Variants in EPM2A observed in about 807,000 individuals in gnomAD.
EPM2A encodes laforin.
Under a neutral mutation model 26.5 loss-of-function variants are expected in EPM2A, and 21 were observed. That is an observed-to-expected ratio of 0.79 (90% CI 0.56 to 1.14). The LOEUF is 1.14. EPM2A is among the 50% of genes most tolerant of loss of function. EPM2A has a pLI of 0.00. For missense variants in EPM2A, 458 were observed against 440.8 expected (o/e 1.04, Z -0.35); for synonymous variants, 217 against 177.6 (o/e 1.22, Z -1.76).
chr6:145,466,603 G>A (rs890946028), intron 4 of EPM2A, among the ~76,000 whole-genome samples: 14 of 152,098 alleles, frequency 9.2e-5, no homozygotes, highest in South Asian at 2.1e-4. Context: ...CACGGATCTA[G>A]AACTAGAAAT....
intron 3 of EPM2A, among the ~76,000 whole-genome samples, chr6:145,633,029 C>T (rs1199527015): frequency 5.3e-5 from 8 of 152,118 alleles, no homozygotes; most frequent in East Asian, 3.9e-4. Flanking sequence ...ACCCACTGAC[C>T]GCAAAAAAGG....
intron 1 of EPM2A, among the ~76,000 whole-genome samples, chr6:145,689,772 G>A (rs1041030078): frequency 7.9e-5 from 12 of 152,242 alleles, no homozygotes; most frequent in African/African-American, 2.9e-4. Flanking sequence ...CTGTATTGCA[G>A]TGCCTCAACC....
intron 2 of EPM2A, among the ~76,000 whole-genome samples, chr6:145,542,644 C>T (rs760206120): frequency 6.6e-6 from 1 of 152,150 alleles, no homozygotes; most frequent in African/African-American, 2.4e-5. Flanking sequence ...GCCAGGGACC[C>T]TTGTTAGTCC....
intron 4 of EPM2A, among the ~76,000 whole-genome samples, chr6:145,440,687 C>G (rs916936335): frequency 6.6e-6 from 1 of 152,182 alleles, no homozygotes; most frequent in Non-Finnish European, 1.5e-5. Flanking sequence ...AACAAAGGGG[C>G]TAAAGACCCC....
chr6:145,611,791 C>G (rs942839457), intron 2 of EPM2A, among the ~76,000 whole-genome samples: 1 of 151,984 alleles, frequency 6.6e-6, no homozygotes, highest in African/African-American at 2.4e-5. Flanking sequence ...GTGGTCACAT[C>G]TGGTTATTTA....
At chr6:145,406,370 T>C (rs146247476) in intron 4 of EPM2A, among the ~76,000 whole-genome samples, 2 of 152,278 alleles carry the variant, frequency 1.3e-5, no homozygotes, top group East Asian at 1.9e-4. Flanking sequence ...TAATGCTAGA[T>C]CTATAGTTCA....
At chr6:145,689,951 A>C (rs1781167704) in intron 1 of EPM2A, among the ~76,000 whole-genome samples, 1 of 152,162 alleles carries the variant, frequency 6.6e-6, no homozygotes, top group African/African-American at 2.4e-5. Context: ...ACCTAGTGGA[A>C]AGTCAAGATT....
chr6:145,535,456 T>A (rs889441253), intron 2 of EPM2A, among the ~76,000 whole-genome samples: 1 of 152,298 alleles, frequency 6.6e-6, no homozygotes, highest in East Asian at 1.9e-4. Context: ...TGATTGTAGG[T>A]ATTTTTTTAA....
At chr6:145,556,129 T>G (rs968234860) in intron 2 of EPM2A, among the ~76,000 whole-genome samples, 7 of 152,170 alleles carry the variant, frequency 4.6e-5, no homozygotes, top group African/African-American at 1.4e-4. Context: ...ACACATTAGG[T>G]TTTTGTCCCA....
At position 145,519,278 on chromosome 6, in the gene EPM2A, T is replaced by A. The variant is rs1780172420; in HGVS notation, c.341-16703A>T. Among the ~76,000 whole-genome samples the A allele has an allele frequency of 2.6e-5, 4 of 152,292 alleles. No individual in the cohort carries two copies. The South Asian group carries it at 8.3e-4, about 32-fold the overall frequency. On this transcript the variant is annotated intron_variant, in intron 2 of 3. Transcript: ENST00000450221. ...CCAGATTTCAGAGAAGGGAGAAACC[T>A]TCTCTATTTGATGCACCATGGATAT...
rs59391293 is a variant in EPM2A at position 145,390,607 on chromosome 6, C to G, written c.556-6510G>C. Reference sequence around the variant, plus strand: ...TCTCTTTCTTTCTCTCGCTCCCGCTCATACTTCTGCACAGACTCATTCTCT... The same window carrying G: ...TCTCTTTCTTTCTCTCGCTCCCGCTGATACTTCTGCACAGACTCATTCTCT... On this transcript the variant is annotated intron_variant, in intron 4 of 4. Coordinates refer to the EPM2A transcript ENST00000638717. Among the ~76,000 whole-genome samples the G allele has an allele frequency of 4.7e-3, 714 of 150,864 alleles. 2 individuals carry two copies. Among genetic ancestry groups the G allele is most frequent in the African/African-American group, 0.017 (683 of 40,474 alleles).
At chr6:145,415,495 G>A (rs1403595129) in intron 4 of EPM2A, among the ~76,000 whole-genome samples, 1 of 152,138 alleles carries the variant, frequency 6.6e-6, no homozygotes, top group Non-Finnish European at 1.5e-5. Context: ...TATTAGTTAA[G>A]TCGTTTTACT....
At chr6:145,520,257 G>A (rs1384554778) in intron 2 of EPM2A, among the ~76,000 whole-genome samples, 3 of 151,950 alleles carry the variant, frequency 2.0e-5, no homozygotes, top group African/African-American at 4.8e-5. Flanking sequence ...TCTGCCTGTT[G>A]CATCTGCCTG....
chr6:145,669,948 C>T (rs1446525493), intron 2 of EPM2A, among the ~76,000 whole-genome samples: 1 of 152,090 alleles, frequency 6.6e-6, no homozygotes, highest in Non-Finnish European at 1.5e-5. Context: ...AGAAAAGAGC[C>T]ATCAAAAACC....
intron 2 of EPM2A, among the ~76,000 whole-genome samples, chr6:145,667,496 A>T (rs1314833630): frequency 6.7e-6 from 1 of 150,006 alleles, no homozygotes; most frequent in African/African-American, 2.5e-5. Context: ...AATGGCAATC[A>T]TTAAAAAGTC....
At chr6:145,517,814 A>G (rs969286500) in intron 2 of EPM2A, among the ~76,000 whole-genome samples, 1 of 152,194 alleles carries the variant, frequency 6.6e-6, no homozygotes, top group Non-Finnish European at 1.5e-5. Flanking sequence ...TTCTGGAATT[A>G]TGGTGAATTA....
At chr6:145,565,860 G>A (rs1416535541) in intron 2 of EPM2A, among the ~76,000 whole-genome samples, 1 of 152,078 alleles carries the variant, frequency 6.6e-6, no homozygotes, top group Non-Finnish European at 1.5e-5. Flanking sequence ...CAAGAATGTG[G>A]GCACACCGTG....
chr6:145,598,086 A>T (rs1781372058), intron 2 of EPM2A, among the ~76,000 whole-genome samples: 1 of 152,160 alleles, frequency 6.6e-6, no homozygotes, highest in Admixed American at 6.5e-5. Context: ...CTGTGTATAT[A>T]CAAGTAATGG....
At chr6:145,590,544 C>T (rs1050744964) in intron 2 of EPM2A, among the ~76,000 whole-genome samples, 1 of 152,114 alleles carries the variant, frequency 6.6e-6, no homozygotes, top group Non-Finnish European at 1.5e-5. Context: ...ACTTCCCCTT[C>T]CCCATACCTA....
Sources: allele counts gnomAD v4.1 joint callset (sites outside exome capture counted in the v4.1 genomes callset), GRCh38; gene constraint gnomAD v4.1.1; transcripts MANE v1.5; gene names NCBI Gene and HGNC (gene_info 2026-07-23, HGNC 2026-07-21).